EHBP1: variants seen among roughly 807,000 people sequenced by gnomAD.
EHBP1 encodes EH domain binding protein 1.
Under a neutral mutation model 144.0 loss-of-function variants are expected in EHBP1, and 55 were observed. The ratio of observed to expected loss-of-function variants is 0.38; its 90% CI spans 0.31 to 0.48. The LOEUF is 0.48. Ranked by LOEUF, EHBP1 falls within the 20% of genes least tolerant of loss-of-function variation. The pLI, the probability that EHBP1 is intolerant of heterozygous loss-of-function variation, is 0.98. For missense variants in EHBP1, 1,200 were observed against 1,364.2 expected (o/e 0.88, Z 1.90); for synonymous variants, 469 against 472.7 (o/e 0.99, Z 0.10).
Position 62,685,022 on chromosome 2 carries a change from G to GGGGGAAT in EHBP1, c.-296+10945_-296+10951dup, listed in dbSNP as rs541893042. ...TGGTTACCAGAGGCTGGGGGTGCTA[G>GGGGGAAT]GGGGAATGGGGAGATGAGAGTCAAA... On this transcript the variant is annotated intron_variant, in intron 1 of 22. Transcript: ENST00000405015. Among the ~76,000 whole-genome samples the GGGGGAAT allele has an allele frequency of 2.1e-3, 313 of 152,274 alleles. 12 individuals are homozygous for GGGGGAAT. Among genetic ancestry groups the GGGGGAAT allele is most frequent in the Admixed American group, 0.02 (307 of 15,294 alleles).
At chr2:63,020,234 GA>G (rs900174295) in intron 19 of EHBP1, among the ~76,000 whole-genome samples, 4 of 145,546 alleles carry the variant, frequency 2.7e-5, no homozygotes, top group Non-Finnish European at 6.0e-5. Context: ...TGAGTCAGGA[GA>G]ATCACTTGAA....
At chr2:62,934,838 G>A (rs1364629707) in intron 10 of EHBP1, among the ~76,000 whole-genome samples, 1 of 152,098 alleles carries the variant, frequency 6.6e-6, no homozygotes, top group Non-Finnish European at 1.5e-5. Flanking sequence ...AAATAATGTT[G>A]CCTGGAAACA....
At chr2:62,798,970 C>T (rs558652775) in intron 5 of EHBP1, among the ~76,000 whole-genome samples, 4 of 138,256 alleles carry the variant, frequency 2.9e-5, no homozygotes, top group African/African-American at 5.5e-5. Flanking sequence ...TGCCACTGCA[C>T]GCCAGCCTGG....
chr2:62,758,806 GGAGAGTACAGCTAGCTGCA>G, intron 3 of EHBP1, among the ~76,000 whole-genome samples: 1 of 152,168 alleles, frequency 6.6e-6, no homozygotes, highest in Middle Eastern at 3.2e-3. Flanking sequence ...ATTTCAAGAA[GGAGAGTACAGCTAGCTGCA>G]GAGCTTTGCC....
chr2:62,822,323 TG>T (rs1455762133), intron 5 of EHBP1, among the ~76,000 whole-genome samples: 3 of 152,170 alleles, frequency 2.0e-5, no homozygotes, highest in Non-Finnish European at 4.4e-5. Flanking sequence ...TTGAACCTAG[TG>T]GGGGTCCATG....
chr2:62,808,155 A>G (rs2044662135), intron 5 of EHBP1, among the ~76,000 whole-genome samples: 1 of 149,800 alleles, frequency 6.7e-6, no homozygotes. Context: ...TCTGTGGTTT[A>G]ATGTCTGACA....
chr2:62,729,198 T>C (rs1022264511), intron 2 of EHBP1, among the ~76,000 whole-genome samples: 6 of 147,892 alleles, frequency 4.1e-5, no homozygotes, highest in Admixed American at 2.8e-4. Context: ...TTATTCTTTT[T>C]TTTTTTCCTC....
At chr2:62,809,268 G>A (rs1055267840) in intron 5 of EHBP1, among the ~76,000 whole-genome samples, 1 of 139,584 alleles carries the variant, frequency 7.2e-6, no homozygotes, top group South Asian at 2.3e-4. Flanking sequence ...TCCAGCCTGG[G>A]CAACAGAGTG....
intron 10 of EHBP1, among the ~76,000 whole-genome samples, chr2:62,909,867 C>G (rs1374523202): frequency 3.9e-5 from 6 of 152,146 alleles, no homozygotes; most frequent in Non-Finnish European, 7.4e-5. Context: ...AAGTGATTCT[C>G]CTGCCTCAGC....
chr2:62,742,395 A>T (rs889074736), intron 2 of EHBP1, among the ~76,000 whole-genome samples: 3 of 152,118 alleles, frequency 2.0e-5, no homozygotes, highest in African/African-American at 7.2e-5. Context: ...GTCATCTTTG[A>T]AAGGTCTACT....
At chr2:62,951,605 A>G (rs1258626313) in intron 13 of EHBP1, among the ~76,000 whole-genome samples, 1 of 149,274 alleles carries the variant, frequency 6.7e-6, no homozygotes. Context: ...CCTCACTGCA[A>G]CCTTCTCCTC....
chr2:62,938,149 G>A (rs1365991157), intron 10 of EHBP1, among the ~76,000 whole-genome samples: 2 of 152,104 alleles, frequency 1.3e-5, no homozygotes, highest in Non-Finnish European at 2.9e-5. Context: ...AAATGAGCAG[G>A]TTGTAAAGAA....
intron 9 of EHBP1, among the ~76,000 whole-genome samples, chr2:62,868,848 G>A (rs1185325803): frequency 1.3e-5 from 2 of 152,078 alleles, no homozygotes; most frequent in East Asian, 3.9e-4. Context: ...CAGCTACTCA[G>A]GAGGCTGATA....
intron 2 of EHBP1, among the ~76,000 whole-genome samples, chr2:62,745,225 A>G (rs1301092738): frequency 6.6e-6 from 1 of 152,150 alleles, no homozygotes; most frequent in Admixed American, 6.6e-5. Context: ...GATTACAAAG[A>G]TAAATAAGAC....
chr2:62,871,664 T>A (rs967441836), intron 9 of EHBP1, among the ~76,000 whole-genome samples: 6 of 152,224 alleles, frequency 3.9e-5, no homozygotes, highest in African/African-American at 1.4e-4. Context: ...CCTATGTGAC[T>A]CACCTTCCAT....
At chr2:62,912,708 C>T (rs1014351369) in intron 10 of EHBP1, among the ~76,000 whole-genome samples, 3 of 151,998 alleles carry the variant, frequency 2.0e-5, no homozygotes, top group South Asian at 2.1e-4. Context: ...TTTGAAGCAC[C>T]GGTATGGTCT....
chr2:62,948,421 C>T lies in EHBP1; in HGVS notation c.1575C>T (p.Asn525=), dbSNP rs935779391. 5 of 1,613,682 alleles carry T rather than the reference C, an allele frequency of 3.1e-6. No individual in the cohort carries two copies. The African/African-American group carries it at 4.0e-5, about 13-fold the overall frequency. Residue 525 remains asparagine (N), a synonymous_variant, in exon 13 of 23, where the codon AAC becomes AAT. Coordinates refer to ENST00000431489, the MANE Select transcript of EHBP1 (RefSeq NM_001142616.3). ...QELNVVQIEE[N]SSKSTYKVGN... is the part of the protein sequence containing the mutation. ...TAAATGTCGTTCAGATAGAGGAAAA[C>T]AGCAGTAAAAGCACATATAAAGTTG...
intron 5 of EHBP1, among the ~76,000 whole-genome samples, chr2:62,776,404 A>G (rs2042056382): frequency 6.6e-6 from 1 of 152,196 alleles, no homozygotes; most frequent in South Asian, 2.1e-4. Context: ...TGAAGATTGG[A>G]AATAATGTAT....
chr2:62,770,959 C>T (rs1032445910), intron 4 of EHBP1, among the ~76,000 whole-genome samples: 1 of 152,018 alleles, frequency 6.6e-6, no homozygotes, highest in Non-Finnish European at 1.5e-5. Context: ...GTGATGAAAA[C>T]TCATGAACAT....
Sources: gnomAD v4.1 joint callset for allele counts (sites outside exome capture counted in the v4.1 genomes callset) on GRCh38, gnomAD v4.1.1 for gene constraint, MANE v1.5 for transcripts, NCBI Gene and HGNC (gene_info 2026-07-23, HGNC 2026-07-21) for gene names.